Variants in UIMC1 observed in about 807,000 individuals in gnomAD.
UIMC1 encodes the protein ubiquitin interaction motif containing 1.
Under a neutral mutation model 84.9 loss-of-function variants are expected in UIMC1, and 42 were observed. That is an observed-to-expected ratio of 0.49 (90% CI 0.39 to 0.64). The LOEUF is 0.64. Among genes scored for constraint, UIMC1 ranks in the 30% least tolerant of loss-of-function variants. The pLI is 0.00. For synonymous variants in UIMC1, 281 were observed against 293.0 expected (o/e 0.96, Z 0.42); for missense variants, 825 against 847.6 (o/e 0.97, Z 0.33).
chr5:177,004,549 A>G (rs561275726), intron 1 of UIMC1, among the ~76,000 whole-genome samples: 1 of 152,316 alleles, frequency 6.6e-6, no homozygotes, highest in South Asian at 2.1e-4. Context: ...ACTGCCAATG[A>G]AGGAGGAATC....
At chr5:176,915,793 C>CAAAAA (rs58297107) in intron 10 of UIMC1, among the ~76,000 whole-genome samples, 367 of 42,434 alleles carry the variant, frequency 8.6e-3, no homozygotes, top group Non-Finnish European at 0.012. Flanking sequence ...GGTCACAAAG[C>CAAAAA]AAAAAAAAAA....
chr5:176,959,576 C>T (rs566458606), intron 6 of UIMC1, among the ~76,000 whole-genome samples: 18 of 151,810 alleles, frequency 1.2e-4, no homozygotes, highest in African/African-American at 4.1e-4. Context: ...ATTAGCCGGG[C>T]GTAGTGGCAG....
In UIMC1 at chr5:176,975,437, T is replaced by C. The variant is rs1769911248; in HGVS notation, c.191A>G (p.Gln64Arg). Residue 64 changes from glutamine (Q) to arginine (R), a missense_variant, in exon 3 of 15, where the codon CAG becomes CGG. Coordinates refer to ENST00000511320, the MANE Select transcript of UIMC1 (RefSeq NM_001199298.2). ...ENGLQKTKTK[Q>R]SNRAKCLAKR... is the part of the protein sequence containing the mutation. ...GGCCAAACACTTTGCTCTATTCGAC[T>C]GTTTTGTCTTCGTTTTCTGCAACCC... is the stretch of plus-strand genomic sequence containing the variant. The C allele has an allele frequency of 6.2e-7, 1 of 1,614,106 alleles. No individual in the cohort carries two copies.
chr5:177,019,975 T>C (rs1271530811), intron 1 of UIMC1, among the ~76,000 whole-genome samples: 1 of 152,024 alleles, frequency 6.6e-6, no homozygotes, highest in Admixed American at 6.6e-5. Context: ...AGTCACCTAC[T>C]GTATTGGAAG....
intron 4 of UIMC1, chr5:176,969,927 G>A: frequency 2.1e-6 from 1 of 466,538 alleles, no homozygotes. Flanking sequence ...GAGGCAAATG[G>A]CATAAAAAGA....
At chr5:176,994,617 A>G (rs560612207) in intron 1 of UIMC1, among the ~76,000 whole-genome samples, 3 of 152,090 alleles carry the variant, frequency 2.0e-5, no homozygotes, top group African/African-American at 7.2e-5. Flanking sequence ...GATTTTCTTT[A>G]GGTGGCCACC....
chr5:176,956,056 A>G, intron 7 of UIMC1, 21 bp from the exon 8 acceptor site: 1 of 1,610,790 alleles, frequency 6.2e-7, no homozygotes, highest in Non-Finnish European at 8.5e-7. Flanking sequence ...ACCAAATCCC[A>G]AATGAATTCC....
chr5:176,909,113 G>A (rs1296450703), intron 11 of UIMC1, among the ~76,000 whole-genome samples: 1 of 152,174 alleles, frequency 6.6e-6, no homozygotes, highest in Non-Finnish European at 1.5e-5. Context: ...ATTTTTACCA[G>A]GGTGGATGAA....
chr5:176,917,054 G>C (rs1366877965), intron 10 of UIMC1, among the ~76,000 whole-genome samples: 1 of 152,180 alleles, frequency 6.6e-6, no homozygotes, highest in African/African-American at 2.4e-5. Context: ...TTCTCAGTTT[G>C]TCTCCCTCAA....
intron 8 of UIMC1, among the ~76,000 whole-genome samples, chr5:176,952,223 A>G (rs1765977377): frequency 6.6e-6 from 1 of 152,232 alleles, no homozygotes; most frequent in African/African-American, 2.4e-5. Flanking sequence ...GAACCTGCCA[A>G]TGTTAGTGCT....
chr5:177,014,057 CTTT>C (rs34686520), intron 1 of UIMC1, among the ~76,000 whole-genome samples: 2 of 122,118 alleles, frequency 1.6e-5, no homozygotes, highest in Non-Finnish European at 1.8e-5. Context: ...TTTTTCTTTT[CTTT>C]TTTTTTTTTT....
intron 1 of UIMC1, among the ~76,000 whole-genome samples, chr5:176,992,463 T>TAAA (rs58677475): frequency 2.1e-4 from 30 of 141,676 alleles, no homozygotes; most frequent in African/African-American, 6.4e-4. Context: ...TGTCTCAGTT[T>TAAA]AAAAAAAAAA....
At chr5:176,978,178 T>G (rs1378406620) in intron 2 of UIMC1, among the ~76,000 whole-genome samples, 1 of 151,908 alleles carries the variant, frequency 6.6e-6, no homozygotes, top group Non-Finnish European at 1.5e-5. Context: ...GAGACCATCC[T>G]GGCTACCACA....
chr5:176,949,352 A>G (rs887282607), intron 9 of UIMC1, among the ~76,000 whole-genome samples: 1 of 152,256 alleles, frequency 6.6e-6, no homozygotes, highest in Middle Eastern at 3.2e-3. Flanking sequence ...ACAGACGTGT[A>G]CACCATAAAT....
intron 10 of UIMC1, among the ~76,000 whole-genome samples, chr5:176,921,055 G>A (rs1761645690): frequency 1.3e-5 from 2 of 152,094 alleles, no homozygotes; most frequent in South Asian, 4.1e-4. Flanking sequence ...TTTGTCCTTT[G>A]TTCTATGATA....
At chr5:176,956,749 G>A (rs1434487001) in intron 7 of UIMC1, among the ~76,000 whole-genome samples, 1 of 151,572 alleles carries the variant, frequency 6.6e-6, no homozygotes, top group Non-Finnish European at 1.5e-5. Flanking sequence ...GATCAAGTAT[G>A]CAAGAGGATG....
chr5:176,968,937 G>T lies in UIMC1; in HGVS notation c.818C>A (p.Thr273Asn). 1 of 1,614,184 alleles carries T rather than the reference G, an allele frequency of 6.2e-7. No individual in the cohort carries two copies. The highest frequency in any genetic ancestry group is 1.3e-5 in the African/African-American group (1 of 75,052). The change falls in exon 6 of 15, where the codon ACT (threonine) becomes AAT (asparagine). Residue 273 changes from threonine to asparagine, a missense_variant. Thr to Asn is a moderately conservative substitution (Grantham distance 65). Coordinates refer to ENST00000511320, the MANE Select transcript of UIMC1 (RefSeq NM_001199298.2). The stretch of plus-strand genomic sequence containing the variant: ...TGGAATACCCCAGAAATAGTTCACA[G>T]TGCCCCCAGTGTCCTGGAGACCTTT... ...DAKGLQDTGG[T>N]VNYFWGIPFC...
At position 176,969,149 on chromosome 5, in the gene UIMC1, G is replaced by C; in HGVS notation, c.606C>G (p.Asp202Glu). The change falls in exon 6 of 15, where the codon GAC becomes GAG. Residue 202 changes from aspartate (D) to glutamate (E), a missense_variant. Asp to Glu is a conservative substitution (Grantham distance 45). Coordinates refer to ENST00000511320, the MANE Select transcript of UIMC1 (RefSeq NM_001199298.2). ...EPVSGSSGSW[D>E]QSSQPVFENV... The stretch of plus-strand genomic sequence containing the variant: ...TCTCAAACACTGGCTGGCTTGACTG[G>C]TCCCAGCTTCCTGAGCTGCCAGAGA... 6.2e-7 allele frequency: 1 copy of C among 1,614,156 alleles called. No individual in the cohort carries two copies.
chr5:176,989,224 CTAAAT>C (rs1320832862), intron 1 of UIMC1, among the ~76,000 whole-genome samples: 1 of 152,052 alleles, frequency 6.6e-6, no homozygotes. Context: ...TTAAAAAATT[CTAAAT>C]TAAGGGATAG....
Sources: gnomAD v4.1 joint callset for allele counts (sites outside exome capture counted in the v4.1 genomes callset) on GRCh38, gnomAD v4.1.1 for gene constraint, MANE v1.5 for transcripts, NCBI Gene and HGNC (gene_info 2026-07-23, HGNC 2026-07-21) for gene names.